Variants in PEX13 observed in about 807,000 individuals in gnomAD.
PEX13 encodes the protein peroxisome biogenesis factor 13.
PEX13 carries 28 observed loss-of-function variants against 34.5 expected under a neutral mutation model. The ratio of observed to expected loss-of-function variants is 0.81; its 90% confidence interval spans 0.60 to 1.11. The LOEUF (loss-of-function observed/expected upper bound fraction) is 1.11, where lower values mean the gene tolerates loss of function less well. Ranked by LOEUF, PEX13 falls within the 50% of genes most tolerant of loss-of-function variation. The pLI is 0.00. For missense variants in PEX13, 550 were observed against 491.0 expected, an observed-to-expected ratio of 1.12 and a Z score of -1.13; for synonymous variants, 177 against 175.1, an observed-to-expected ratio of 1.01 and a Z score of -0.09.
At chr2:61,018,299 A>T in intron 1 of PEX13, 1 of 1,550,132 alleles carries the variant, frequency 6.5e-7, no homozygotes. Flanking sequence ...AAAGCCGGAA[A>T]GGTTTTACGC....
intron 2 of PEX13, among the ~76,000 whole-genome samples, chr2:61,043,895 A>G (rs1366489655): frequency 2.6e-5 from 4 of 152,194 alleles, no homozygotes; most frequent in Admixed American, 2.6e-4. Context: ...CTTTTCAGCT[A>G]TTGTTATTAA....
At chr2:61,024,418 T>C (rs1034108369) in intron 1 of PEX13, among the ~76,000 whole-genome samples, 5 of 152,232 alleles carry the variant, frequency 3.3e-5, no homozygotes, top group African/African-American at 1.2e-4. Flanking sequence ...TTTCTGTATT[T>C]ATCCTTCTGT....
intron 1 of PEX13, among the ~76,000 whole-genome samples, chr2:61,030,639 T>C (rs572398698): frequency 6.6e-6 from 1 of 152,330 alleles, no homozygotes; most frequent in South Asian, 2.1e-4. Flanking sequence ...GAGTTAACAA[T>C]ATACCTGGAA....
chr2:61,047,312 C>T (rs1053211466), intron 3 of PEX13, among the ~76,000 whole-genome samples: 6 of 152,064 alleles, frequency 3.9e-5, no homozygotes, highest in Admixed American at 1.3e-4. Context: ...CATGCCACCA[C>T]GACCAGCTAG....
At chr2:61,025,954 C>G (rs1189784995) in intron 1 of PEX13, among the ~76,000 whole-genome samples, 3 of 152,128 alleles carry the variant, frequency 2.0e-5, no homozygotes, top group Non-Finnish European at 4.4e-5. Flanking sequence ...CTTTAGGGTT[C>G]TGAACTCCAG....
In PEX13 at chr2:61,032,037, C is replaced by G. The variant is rs1363699944; in HGVS notation, c.711C>G (p.Phe237Leu). The G allele has an allele frequency of 1.2e-6, 2 of 1,613,730 alleles. No individual in the cohort carries two copies. The highest frequency in any genetic ancestry group is 2.2e-5 in the South Asian group (2 of 91,016). The change falls in exon 2 of 4, where the codon TTC (phenylalanine) becomes TTG (leucine). Residue 237 changes from phenylalanine to leucine, a missense_variant. Transcript: ENST00000295030. Reference protein sequence around the residue: ...AATSAKSWPIFLFFAVILGGP... With the variant: ...AATSAKSWPILLFFAVILGGP... Reference sequence around the variant, plus strand: ...CCTCAGCAAAATCTTGGCCAATATTCTTGTTCTTTGCTGTTATCCTTGGTG... The same window carrying G: ...CCTCAGCAAAATCTTGGCCAATATTGTTGTTCTTTGCTGTTATCCTTGGTG...
intron 2 of PEX13, among the ~76,000 whole-genome samples, chr2:61,040,131 T>C (rs1343158219): frequency 7.9e-5 from 12 of 152,142 alleles, no homozygotes; most frequent in Admixed American, 3.3e-4. Flanking sequence ...GCTTTTACAC[T>C]GTTGGTGGGA....
chr2:61,034,821 G>A (rs185968521), intron 2 of PEX13, among the ~76,000 whole-genome samples: 12 of 152,358 alleles, frequency 7.9e-5, no homozygotes, highest in Admixed American at 4.6e-4. Flanking sequence ...CCAGAAGCTC[G>A]AACTGGGCGG....
intron 3 of PEX13, among the ~76,000 whole-genome samples, chr2:61,047,963 C>G (rs1005911565): frequency 2.0e-5 from 3 of 151,960 alleles, no homozygotes; most frequent in African/African-American, 7.3e-5. Context: ...AATTTTTTGC[C>G]CATCTTGGAT....
chr2:61,043,433 G>T (rs1247142800), intron 2 of PEX13, among the ~76,000 whole-genome samples: 1 of 151,388 alleles, frequency 6.6e-6, no homozygotes, highest in Non-Finnish European at 1.5e-5. Flanking sequence ...TGAAGAATTA[G>T]CCTCTATGAA....
At chr2:61,029,260 G>A (rs929473095) in intron 1 of PEX13, among the ~76,000 whole-genome samples, 3 of 151,940 alleles carry the variant, frequency 2.0e-5, no homozygotes, top group African/African-American at 7.3e-5. Context: ...ATCATTAGCC[G>A]TCAAGAAAAT....
Position 61,050,627 on chromosome 2 carries a change from T to G in PEX13, c.*1857T>G, listed in dbSNP as rs1303977948. On this transcript the variant is annotated 3_prime_UTR_variant, in exon 4 of 4. Coordinates refer to ENST00000295030, the MANE Select transcript of PEX13 (RefSeq NM_002618.4). ...AATTGTGATTTAGTATTTTTTCTTT[T>G]GTCTTTTTTTGAAACGGAGTCTCAC... 6.6e-6 allele frequency: 1 copy of G among 152,318 alleles called. No individual in the cohort carries two copies. The highest frequency in any genetic ancestry group is 1.9e-4 in the East Asian group (1 of 5,308). The allele number at this position is 152,318 out of a possible 1,614,324, so 9.4% of individuals were successfully genotyped here.
chr2:61,050,892 A>G lies in PEX13; in HGVS notation c.*2122A>G, dbSNP rs892938678. 3.3e-5 allele frequency: 5 copies of G among 152,310 alleles called. No individual in the cohort carries two copies. Among genetic ancestry groups the G allele is most frequent in the Non-Finnish European group, 7.3e-5 (5 of 68,094 alleles). 9.4% of individuals were successfully genotyped at this position (152,310 alleles called of 1,614,324 possible). On this transcript the variant is annotated 3_prime_UTR_variant, in exon 4 of 4. Coordinates refer to ENST00000295030, the MANE Select transcript of PEX13 (RefSeq NM_002618.4). ...CGCTTCGGTCTCCCAAAGTGTTGGG[A>G]TTACAGGCGTGAGCCACCGCACCCA...
chr2:61,028,699 A>G (rs1680400637), intron 1 of PEX13, among the ~76,000 whole-genome samples: 1 of 151,788 alleles, frequency 6.6e-6, no homozygotes, highest in African/African-American at 2.4e-5. Flanking sequence ...GGGGTAGGAC[A>G]TTTCTAGAAA....
chr2:61,027,297 C>T (rs797022085), intron 1 of PEX13, among the ~76,000 whole-genome samples: 6 of 151,076 alleles, frequency 4.0e-5, no homozygotes, highest in African/African-American at 1.2e-4. Context: ...CGTGATTGCA[C>T]CACTGAACTC....
At position 61,051,575 on chromosome 2, in the gene PEX13, G is replaced by A. The variant is rs998449965; in HGVS notation, c.*2805G>A. ...GAAATTTTGTAACCTTTTTTATCATGACAGTTTTAGAATAATTTTTTTAGC... is the reference window on the plus strand; with the variant it reads ...GAAATTTTGTAACCTTTTTTATCATAACAGTTTTAGAATAATTTTTTTAGC... On this transcript the variant is annotated 3_prime_UTR_variant, in exon 4 of 4. Coordinates refer to ENST00000295030, the MANE Select transcript of PEX13 (RefSeq NM_002618.4). 3 of 152,244 alleles carry A rather than the reference G, an allele frequency of 2.0e-5. No individual in the cohort carries two copies. Among genetic ancestry groups the A allele is most frequent in the Admixed American group, 6.6e-5 (1 of 15,266 alleles). The allele number at this position is 152,244 out of a possible 1,614,324, so 9.4% of individuals were successfully genotyped here.
At chr2:61,040,831 G>GTA (rs923755322) in intron 2 of PEX13, among the ~76,000 whole-genome samples, 38 of 146,616 alleles carry the variant, frequency 2.6e-4, no homozygotes, top group Non-Finnish European at 5.2e-4. Context: ...TAATATATGT[G>GTA]TATATATATA....
rs766962654 is a variant in PEX13, at chr2:61,031,913, A to G, written c.587A>G (p.Gln196Arg). 1.2e-6 allele frequency: 2 copies of G among 1,614,074 alleles called. No individual in the cohort carries two copies. The highest frequency in any genetic ancestry group is 2.2e-5 in the South Asian group (2 of 91,086). Residue 196 changes from glutamine to arginine, a missense_variant, in exon 2 of 4, where the codon CAG becomes CGG. By Grantham distance (43) the Gln-to-Arg change is conservative. Coordinates refer to ENST00000295030, the MANE Select transcript of PEX13 (RefSeq NM_002618.4). ...ATACGGTATCTTTACAGACGGCTAC[A>G]GCGGATGTTAGGTTTAAGAAGAGGC... is the stretch of plus-strand genomic sequence containing the variant. ...RTIRYLYRRLQRMLGLRRGSE... is the reference protein window; with the variant it reads ...RTIRYLYRRLRRMLGLRRGSE...
chr2:61,031,368 T>C (rs751897241), intron 1 of PEX13, 51 bp from the exon 2 acceptor site: 22 of 1,353,720 alleles, frequency 1.6e-5, no homozygotes, highest in African/African-American at 8.6e-5. Flanking sequence ...TTACTTTGAA[T>C]TGAATTTATT....
Sources: allele counts gnomAD v4.1 joint callset (sites outside exome capture counted in the v4.1 genomes callset), GRCh38; gene constraint gnomAD v4.1.1; transcripts MANE v1.5; gene names NCBI Gene and HGNC (gene_info 2026-07-23, HGNC 2026-07-21).